The following CEP128 variants were observed in gnomAD, a reference collection of about 807,000 sequenced individuals.
CEP128 encodes centrosomal protein 128kDa.
A neutral mutation model predicts 156.7 loss-of-function variants in CEP128; 132 were observed. That is an observed-to-expected ratio of 0.84 (90% CI 0.73 to 0.97). CEP128 has a LOEUF of 0.97. CEP128 is among the 50% of genes least tolerant of loss of function. The probability of loss-of-function intolerance (pLI) is 0.00; values close to 1 mark genes in which losing one functional copy is unlikely to be tolerated. For missense variants in CEP128, 1,252 were observed against 1,281.9 expected (o/e 0.98, Z 0.36); for synonymous variants, 469 against 448.9 (o/e 1.04, Z -0.57).
chr14:80,683,407 A>AT (rs1896400291), intron 19 of CEP128, among the ~76,000 whole-genome samples: 1 of 150,954 alleles, frequency 6.6e-6, no homozygotes, highest in African/African-American at 2.5e-5. Context: ...TCCATCCAAC[A>AT]AGAAGACTTA....
intron 19 of CEP128, among the ~76,000 whole-genome samples, chr14:80,676,643 A>C (rs1896073046): frequency 6.6e-6 from 1 of 152,162 alleles, no homozygotes; most frequent in South Asian, 2.1e-4. Flanking sequence ...AAATGCTAGT[A>C]TCCTTCTATT....
chr14:80,590,328 AG>A (rs1891996974), intron 19 of CEP128, among the ~76,000 whole-genome samples: 1 of 152,200 alleles, frequency 6.6e-6, no homozygotes, highest in Non-Finnish European at 1.5e-5. Context: ...TAAAAACCAA[AG>A]GAAAAGAACA....
rs747380818 is a variant in CEP128 at position 80,743,193 on chromosome 14, C to T, written c.2688G>A (p.Met896Ile). The T allele has an allele frequency of 3.7e-6, 6 of 1,613,748 alleles. No homozygotes were observed. Among genetic ancestry groups the T allele is most frequent in the Non-Finnish European group, 3.4e-6 (4 of 1,179,838 alleles). The change falls in exon 19 of 25, where the codon ATG (methionine) becomes ATA (isoleucine). Residue 896 changes from methionine (M) to isoleucine (I), a missense_variant. By Grantham distance (10) the Met-to-Ile change is conservative. Coordinates refer to ENST00000555265, the MANE Select transcript of CEP128 (RefSeq NM_152446.5). ...NREKNLRHQLMLCRQQLRNLT... is the reference protein window; with the variant it reads ...NREKNLRHQLILCRQQLRNLT... ...AATTCCTGAGTTGTTGTCTGCAGAGCATCAGCTGGTGTCGCAGATTTTTCT... is the reference window on the plus strand; with the variant it reads ...AATTCCTGAGTTGTTGTCTGCAGAGTATCAGCTGGTGTCGCAGATTTTTCT...
chr14:80,927,113 T>A (rs1277624228), intron 2 of CEP128, among the ~76,000 whole-genome samples: 1 of 152,120 alleles, frequency 6.6e-6, no homozygotes, highest in Non-Finnish European at 1.5e-5. Context: ...GCAGCAAGAT[T>A]CACAGTGGTC....
chr14:80,564,272 T>C (rs549879833), intron 20 of CEP128, among the ~76,000 whole-genome samples: 4 of 152,340 alleles, frequency 2.6e-5, no homozygotes, highest in Middle Eastern at 3.4e-3. Flanking sequence ...TGCATAGATA[T>C]TGGATTACAA....
At chr14:80,748,151 G>A (rs1355880826) in intron 18 of CEP128, among the ~76,000 whole-genome samples, 1 of 152,160 alleles carries the variant, frequency 6.6e-6, no homozygotes, top group Non-Finnish European at 1.5e-5. Context: ...TGTCTTGTCT[G>A]GATGTCACTG....
At position 80,653,336 on chromosome 14, in the gene CEP128, TA is replaced by T. The variant is rs960387258; in HGVS notation, c.2807-72914del. Among the ~76,000 whole-genome samples, 756 of 150,090 alleles carry T rather than the reference TA, an allele frequency of 5.0e-3. 14 individuals are homozygous for T. Among genetic ancestry groups the T allele is most frequent in the African/African-American group, 0.017 (706 of 40,810 alleles). On this transcript the variant is annotated intron_variant, in intron 19 of 24. Transcript: ENST00000555265. ...CACCCCAGAACTTAAAGTTTAATAA[TA>T]AAAAAAAAAGTTGGAAGGTAGCAGA...
intron 15 of CEP128, among the ~76,000 whole-genome samples, chr14:80,781,370 T>C (rs192802099): frequency 3.1e-4 from 47 of 149,580 alleles, no homozygotes; most frequent in African/African-American, 1.0e-3. Flanking sequence ...GGCAGGAGAA[T>C]TGCTTGAACC....
intron 17 of CEP128, among the ~76,000 whole-genome samples, chr14:80,760,466 ATAG>A (rs777060164): frequency 1.3e-5 from 2 of 152,118 alleles, no homozygotes; most frequent in East Asian, 3.8e-4. Flanking sequence ...AGAGGGGAAC[ATAG>A]TAGTATGAGA....
rs1251052748 is a variant in CEP128 at position 80,761,540 on chromosome 14, A to G, written c.2450T>C (p.Leu817Pro). ...TTCCTGTTCAGTCTCCAAGCAAAGA[A>G]GTTGATCCTTGAGCTGCAATCTGGC... ...EEARLQLKDQ[L>P]LCLETEQESI... The change falls in exon 17 of 25, where the codon CTT (leucine) becomes CCT (proline). Residue 817 changes from leucine (L) to proline (P), a missense_variant. Physicochemically the swap from Leu to Pro is moderately conservative, Grantham distance 98 (BLOSUM62 -3). Coordinates refer to ENST00000555265, the MANE Select transcript of CEP128 (RefSeq NM_152446.5). 4 of 1,613,006 alleles carry G rather than the reference A, an allele frequency of 2.5e-6. No homozygotes were observed. The highest frequency in any genetic ancestry group is 3.4e-6 in the Non-Finnish European group (4 of 1,179,206).
At chr14:80,827,377 A>AG (rs1885535442) in intron 13 of CEP128, among the ~76,000 whole-genome samples, 1 of 152,218 alleles carries the variant, frequency 6.6e-6, no homozygotes, top group Admixed American at 6.5e-5. Context: ...CTCAACAGGA[A>AG]TAGAAGCTTT....
At chr14:80,765,653 T>G (rs2139706420) in intron 16 of CEP128, among the ~76,000 whole-genome samples, 1 of 152,072 alleles carries the variant, frequency 6.6e-6, no homozygotes, top group Middle Eastern at 3.4e-3. Flanking sequence ...TTTTGGAGGG[T>G]AGGGAGGAAG....
intron 19 of CEP128, among the ~76,000 whole-genome samples, chr14:80,676,337 C>G (rs988659035): frequency 1.3e-5 from 2 of 151,962 alleles, no homozygotes; most frequent in African/African-American, 4.8e-5. Flanking sequence ...AATCTTTAAA[C>G]TTACGTTTCC....
rs558129632 is a variant in CEP128 at position 80,953,783 on chromosome 14, C to T, written c.-172+4395G>A. 2.6e-5 allele frequency among the ~76,000 whole-genome samples: 4 copies of T among 152,304 alleles called. No individual in the cohort carries two copies. In the East Asian group the frequency reaches 5.8e-4, roughly 22 times the overall value. On this transcript the variant is annotated intron_variant, in intron 2 of 7. Coordinates refer to the CEP128 transcript ENST00000555529. ...CTCTGGTGTTCATTTGTAGTCAGCC[C>T]TACCCTAGGCCTTTGCAACCGCTGA...
chr14:80,716,107 A>G (rs1451187437), intron 19 of CEP128, among the ~76,000 whole-genome samples: 1 of 152,226 alleles, frequency 6.6e-6, no homozygotes, highest in African/African-American at 2.4e-5. Context: ...ACAGAATGGG[A>G]CAGATTCAAA....
At chr14:80,875,778 C>T (rs1212184918) in intron 8 of CEP128, among the ~76,000 whole-genome samples, 1 of 152,054 alleles carries the variant, frequency 6.6e-6, no homozygotes. Flanking sequence ...TGCACACTCG[C>T]CCTAAAGGGA....
At chr14:80,739,179 C>T (rs1898681662) in intron 19 of CEP128, among the ~76,000 whole-genome samples, 1 of 152,168 alleles carries the variant, frequency 6.6e-6, no homozygotes, top group Non-Finnish European at 1.5e-5. Context: ...CTTTCCTCTA[C>T]TGCCTACTTC....
chr14:80,487,828 C>G (rs1437537313), downstream of CEP128, among the ~76,000 whole-genome samples: 2 of 151,826 alleles, frequency 1.3e-5, no homozygotes, highest in Admixed American at 6.6e-5. Context: ...TTGAAACCAA[C>G]AAGAACAAAG....
intron 2 of CEP128, among the ~76,000 whole-genome samples, chr14:80,949,410 A>G (rs1430349270): frequency 2.6e-5 from 4 of 152,164 alleles, no homozygotes; most frequent in Non-Finnish European, 5.9e-5. Flanking sequence ...AAGGGTCTCC[A>G]TGGAAGATTC....
Sources: gnomAD v4.1 joint callset for allele counts (sites outside exome capture counted in the v4.1 genomes callset) on GRCh38, gnomAD v4.1.1 for gene constraint, MANE v1.5 for transcripts, NCBI Gene and HGNC (gene_info 2026-07-23, HGNC 2026-07-21) for gene names.